Variants in BACH2 observed in about 807,000 individuals in gnomAD.
BACH2 encodes the protein BACH transcriptional regulator 2.
Under a neutral mutation model 61.8 loss-of-function variants are expected in BACH2, and 5 were observed. The observed-to-expected ratio is 0.08, with a 90% CI of 0.04 to 0.17. BACH2 has a LOEUF of 0.17. BACH2 is among the 10% of genes least tolerant of loss of function. The pLI, the probability that BACH2 is intolerant of heterozygous loss-of-function variation, is 1.00. For missense variants in BACH2, 824 were observed against 1,091.1 expected (o/e 0.76, Z 3.45); for synonymous variants, 446 against 440.1 (o/e 1.01, Z -0.17).
At chr6:90,181,328 GGTGTGTGTGT>G (rs10593294) in intron 4 of BACH2, among the ~76,000 whole-genome samples, 1 of 148,334 alleles carries the variant, frequency 6.7e-6, no homozygotes, top group Non-Finnish European at 1.5e-5. Context: ...CCCACTGTGT[GGTGTGTGTGT>G]GTGTGTGTGT....
intron 6 of BACH2, among the ~76,000 whole-genome samples, chr6:89,962,659 T>C (rs210056): frequency 0.13 from 19,990 of 152,208 alleles, 1,482 homozygotes; most frequent in African/African-American, 0.19. Flanking sequence ...TTTGGACACT[T>C]CTAGCCCTCC....
chr6:90,294,376 T>C (rs1034011566), intron 1 of BACH2, among the ~76,000 whole-genome samples: 1 of 152,216 alleles, frequency 6.6e-6, no homozygotes, highest in Admixed American at 6.5e-5. Context: ...GGGACTTCGC[T>C]CTATTTCAAT....
At chr6:90,071,071 C>A (rs1781204003) in intron 5 of BACH2, among the ~76,000 whole-genome samples, 1 of 152,176 alleles carries the variant, frequency 6.6e-6, no homozygotes. Context: ...CTGCAGCCTC[C>A]AACTCCTGGT....
chr6:90,182,214 C>T (rs768201176), intron 4 of BACH2, among the ~76,000 whole-genome samples: 30 of 152,156 alleles, frequency 2.0e-4, no homozygotes, highest in Non-Finnish European at 4.1e-4. Flanking sequence ...TTCTCAGAAT[C>T]AAAGACACTT....
chr6:90,109,220 G>A (rs1045072145), intron 4 of BACH2, among the ~76,000 whole-genome samples: 2 of 151,868 alleles, frequency 1.3e-5, no homozygotes, highest in South Asian at 2.1e-4. Flanking sequence ...GATGATCTCC[G>A]TCTTGCCAAG....
At chr6:90,231,258 T>C (rs1770087183) in intron 3 of BACH2, among the ~76,000 whole-genome samples, 1 of 152,232 alleles carries the variant, frequency 6.6e-6, no homozygotes, top group African/African-American at 2.4e-5. Flanking sequence ...TAAATGGATA[T>C]GTGCATACTT....
At chr6:90,004,361 C>A (rs764283127) in intron 6 of BACH2, among the ~76,000 whole-genome samples, 5 of 152,098 alleles carry the variant, frequency 3.3e-5, no homozygotes, top group African/African-American at 1.2e-4. Context: ...TCTATTTATA[C>A]CGAGGAAAAC....
At chr6:90,209,285 G>A (rs1031087025) in intron 3 of BACH2, among the ~76,000 whole-genome samples, 3 of 152,070 alleles carry the variant, frequency 2.0e-5, no homozygotes, top group Admixed American at 6.5e-5. Context: ...TTCCAACTTT[G>A]TAGTACGAAT....
At chr6:90,182,470 A>T (rs1237926778) in intron 4 of BACH2, among the ~76,000 whole-genome samples, 1 of 152,134 alleles carries the variant, frequency 6.6e-6, no homozygotes, top group Non-Finnish European at 1.5e-5. Flanking sequence ...TGCCCTCAAG[A>T]ATCAGGACAG....
Position 90,156,859 on chromosome 6 carries a change from A to G in BACH2, c.-162+49710T>C, listed in dbSNP as rs1444849273. Among the ~76,000 whole-genome samples, 4 of 152,226 alleles carry G rather than the reference A, an allele frequency of 2.6e-5. No homozygotes were observed. In the East Asian group the frequency reaches 7.7e-4, roughly 29 times the overall value. ...CACCAAAACCCAAAAAAGACATGGA[A>G]TACATGACCCAGGCGGCCCTGAAAA... On this transcript the variant is annotated intron_variant, in intron 4 of 8. Coordinates refer to ENST00000257749, the MANE Select transcript of BACH2 (RefSeq NM_021813.4).
intron 4 of BACH2, among the ~76,000 whole-genome samples, chr6:90,150,138 T>A (rs1015587909): frequency 1.3e-5 from 2 of 152,178 alleles, no homozygotes; most frequent in African/African-American, 4.8e-5. Flanking sequence ...TCTGTAGTTA[T>A]CCCTGTCTAC....
chr6:90,237,125 G>A (rs371792491), intron 3 of BACH2, among the ~76,000 whole-genome samples: 1 of 152,084 alleles, frequency 6.6e-6, no homozygotes, highest in Non-Finnish European at 1.5e-5. Context: ...GGGTTTCACT[G>A]TGTTAGCCAG....
At chr6:90,240,368 T>A (rs1317633115) in intron 3 of BACH2, among the ~76,000 whole-genome samples, 3 of 152,180 alleles carry the variant, frequency 2.0e-5, no homozygotes, top group Non-Finnish European at 4.4e-5. Flanking sequence ...GTAAACTGTC[T>A]CAAAAATTTT....
chr6:90,036,201 A>G (rs1040889223), intron 5 of BACH2, among the ~76,000 whole-genome samples: 1 of 150,970 alleles, frequency 6.6e-6, no homozygotes, highest in Admixed American at 6.7e-5. Context: ...TTGGCACAAG[A>G]TCATATGGTA....
chr6:90,276,717 TTTTCTTA>T (rs1771705298), intron 1 of BACH2, among the ~76,000 whole-genome samples: 1 of 152,116 alleles, frequency 6.6e-6, no homozygotes, highest in South Asian at 2.1e-4. Context: ...CCCAACCCCA[TTTTCTTA>T]TTTCCTAGTA....
chr6:89,952,210 CTGTT>C, intron 6 of BACH2: 1 of 249,024 alleles, frequency 4.0e-6, no homozygotes, highest in Non-Finnish European at 7.8e-6. Context: ...CCAATCAGTC[CTGTT>C]GAGAGCCATT....
intron 2 of BACH2, among the ~76,000 whole-genome samples, chr6:90,271,545 A>G (rs1771525233): frequency 6.6e-6 from 1 of 152,122 alleles, no homozygotes; most frequent in South Asian, 2.1e-4. Context: ...AAGCTAATAA[A>G]CTAATTTAAA....
chr6:90,049,499 A>G (rs1388444302), intron 5 of BACH2, among the ~76,000 whole-genome samples: 1 of 152,140 alleles, frequency 6.6e-6, no homozygotes, highest in Non-Finnish European at 1.5e-5. Flanking sequence ...CCCTTTCAGA[A>G]TGCCAGTGAA....
intron 6 of BACH2, among the ~76,000 whole-genome samples, chr6:89,996,278 C>A (rs1480454954): frequency 1.3e-5 from 2 of 152,152 alleles, no homozygotes; most frequent in Non-Finnish European, 2.9e-5. Context: ...TGTAGACCTT[C>A]CTCACCTATG....
Sources: allele counts gnomAD v4.1 joint callset (sites outside exome capture counted in the v4.1 genomes callset), GRCh38; gene constraint gnomAD v4.1.1; transcripts MANE v1.5; gene names NCBI Gene and HGNC (gene_info 2026-07-23, HGNC 2026-07-21).